Variants in WWP2 observed in about 807,000 individuals in gnomAD.
WWP2 encodes NEDD4-like E3 ubiquitin-protein ligase WWP2.
In WWP2, 57 loss-of-function variants were observed where a neutral mutation model predicts 121.0. That is an observed-to-expected ratio of 0.47 (90% CI 0.38 to 0.59). The LOEUF (loss-of-function observed/expected upper bound fraction) is 0.59, where lower values mean the gene tolerates loss of function less well. Among genes scored for constraint, WWP2 ranks in the 20% least tolerant of loss-of-function variants. The pLI is 0.00. For missense variants in WWP2, 962 were observed against 1,158.9 expected, an observed-to-expected ratio of 0.83 and a Z score of 2.47; for synonymous variants, 449 against 441.3, an observed-to-expected ratio of 1.02 and a Z score of -0.22.
intron 2 of WWP2, among the ~76,000 whole-genome samples, chr16:69,793,326 TG>T (rs2055952767): frequency 6.6e-6 from 1 of 152,094 alleles, no homozygotes; most frequent in African/African-American, 2.4e-5. Context: ...CACTCCAGCC[TG>T]GGTGACAGAG....
chr16:69,790,368 T>C (rs914503213), intron 2 of WWP2, among the ~76,000 whole-genome samples: 1 of 151,934 alleles, frequency 6.6e-6, no homozygotes, highest in Non-Finnish European at 1.5e-5. Context: ...AGGAAAAAAA[T>C]TTTACTATTT....
At chr16:69,813,446 G>A (rs1360885394) in intron 4 of WWP2, among the ~76,000 whole-genome samples, 1 of 151,990 alleles carries the variant, frequency 6.6e-6, no homozygotes, top group Non-Finnish European at 1.5e-5. Flanking sequence ...ACAGGCGTGA[G>A]CCACTGCGCC....
chr16:69,925,222 G>A lies in WWP2; in HGVS notation c.1180-208G>A. Reference sequence around the variant, plus strand: ...ACTCACTTGGGCCCTCCGTGCGCAGGGTTCTTTTTTGGTTTTTCTGTAAAA... The same window carrying A: ...ACTCACTTGGGCCCTCCGTGCGCAGAGTTCTTTTTTGGTTTTTCTGTAAAA... On this transcript the variant is annotated intron_variant, in intron 10 of 23. Coordinates refer to ENST00000359154, the MANE Select transcript of WWP2 (RefSeq NM_001270454.2). This position sits in a 1 kb window ranked among gnomAD's most constrained non-coding sequence, Gnocchi z 4.0. 1 of 1,430,678 alleles carries A rather than the reference G, an allele frequency of 7.0e-7. No homozygotes were observed. Among genetic ancestry groups the A allele is most frequent in the Non-Finnish European group, 9.1e-7 (1 of 1,093,374 alleles). 88.6% of individuals were successfully genotyped at this position (1,430,678 alleles called of 1,614,324 possible). A position where few individuals can be genotyped will look rare whatever the true frequency, so the allele number is the denominator to read the frequency against.
intron 8 of WWP2, among the ~76,000 whole-genome samples, chr16:69,907,065 TTC>T (rs1188689035): frequency 6.6e-6 from 1 of 152,220 alleles, no homozygotes; most frequent in Non-Finnish European, 1.5e-5. Flanking sequence ...ATATGGCATT[TTC>T]TCTTGAGAAG....
intron 4 of WWP2, among the ~76,000 whole-genome samples, chr16:69,815,819 C>T (rs1462750828): frequency 1.3e-5 from 2 of 150,260 alleles, no homozygotes; most frequent in African/African-American, 4.9e-5. Flanking sequence ...TGGAATCATA[C>T]ATACTGTATA....
intron 1 of WWP2, among the ~76,000 whole-genome samples, chr16:69,783,428 C>G (rs1433112866): frequency 6.6e-6 from 1 of 152,014 alleles, no homozygotes; most frequent in African/African-American, 2.4e-5. Context: ...TCCAGCTACT[C>G]AGGAGGCTGA....
At chr16:69,846,320 G>A (rs2057077961) in intron 6 of WWP2, among the ~76,000 whole-genome samples, 1 of 152,120 alleles carries the variant, frequency 6.6e-6, no homozygotes, top group Admixed American at 6.5e-5. Flanking sequence ...AGAGAAGCAG[G>A]TCATAGAAAA....
At chr16:69,828,280 C>T (rs1040237858) in intron 4 of WWP2, among the ~76,000 whole-genome samples, 5 of 152,156 alleles carry the variant, frequency 3.3e-5, no homozygotes, top group Non-Finnish European at 7.4e-5. Flanking sequence ...CCTTTCCTGC[C>T]TTCCCAGGAA....
intron 6 of WWP2, among the ~76,000 whole-genome samples, chr16:69,842,638 T>C (rs2057000802): frequency 6.6e-6 from 1 of 152,228 alleles, no homozygotes; most frequent in African/African-American, 2.4e-5. Flanking sequence ...TCTCCGGCTA[T>C]ATTCATGTCC....
intron 4 of WWP2, among the ~76,000 whole-genome samples, chr16:69,807,563 G>A (rs1392605785): frequency 1.4e-5 from 2 of 143,734 alleles, no homozygotes; most frequent in East Asian, 2.0e-4. Context: ...AGGCTGCAGC[G>A]AGTTGTTATT....
Position 69,936,336 on chromosome 16 carries a change from C to T in WWP2, c.2001C>T (p.Gly667=). ...WIKENNLEEC[G]LELYFIQDME... is the part of the protein sequence containing the mutation. ...GAGAGAACAACCTGGAAGAATGTGGCCTGGAGCTGTACTTCATCCAGGACA... is the reference window on the plus strand; with the variant it reads ...GAGAGAACAACCTGGAAGAATGTGGTCTGGAGCTGTACTTCATCCAGGACA... The change falls in exon 19 of 24, where the codon GGC becomes GGT. Residue 667 remains glycine, a synonymous_variant. Transcript: ENST00000359154. 6.2e-7 allele frequency: 1 copy of T among 1,614,132 alleles called. No individual in the cohort carries two copies. The highest frequency in any genetic ancestry group is 8.5e-7 in the Non-Finnish European group (1 of 1,180,018).
intron 6 of WWP2, among the ~76,000 whole-genome samples, chr16:69,847,886 G>A (rs550282183): frequency 1.3e-5 from 2 of 152,110 alleles, no homozygotes; most frequent in South Asian, 2.1e-4. Flanking sequence ...ATTTTGGTGG[G>A]GACAAACTGC....
intron 7 of WWP2, among the ~76,000 whole-genome samples, chr16:69,885,977 G>T (rs575817227): frequency 2.0e-5 from 3 of 152,158 alleles, no homozygotes; most frequent in Non-Finnish European, 1.5e-5. Flanking sequence ...ATGATATCTC[G>T]AAGAGGGCAG....
Position 69,792,322 on chromosome 16 carries a change from A to G in WWP2, c.70+5242A>G, listed in dbSNP as rs141952301. ...GAAACAAGCTGTTTGGAACTTATTG[A>G]GAGAGCAGATGCCAGACTCTATTGT... On this transcript the variant is annotated intron_variant, in intron 2 of 23. Coordinates refer to ENST00000359154, the MANE Select transcript of WWP2 (RefSeq NM_001270454.2). Among the ~76,000 whole-genome samples the G allele has an allele frequency of 3.2e-4, 48 of 152,350 alleles. No individual in the cohort carries two copies. The East Asian group carries it at 8.5e-3, about 27-fold the overall frequency.
At position 69,937,561 on chromosome 16, in the gene WWP2, G is replaced by A; in HGVS notation, c.2252G>A (p.Gly751Asp). ...GCCTCTCCCCAGCTGATGCTGTGCG[G>A]CATGCAGGAGATAGACATGAGCGAC... Reference protein sequence around the residue: ...DEKELELMLCGMQEIDMSDWQ... With the variant: ...DEKELELMLCDMQEIDMSDWQ... The change falls in exon 21 of 24, where the codon GGC becomes GAC. Residue 751 changes from glycine to aspartate, a missense_variant. By Grantham distance (94) the Gly-to-Asp change is moderately conservative. Transcript: ENST00000359154. This position sits in a 1 kb window ranked among gnomAD's most constrained non-coding sequence, Gnocchi z 6.6. The A allele has an allele frequency of 6.2e-7, 1 of 1,614,024 alleles. No homozygotes were observed. The highest frequency in any genetic ancestry group is 8.5e-7 in the Non-Finnish European group (1 of 1,180,012).
intron 4 of WWP2, among the ~76,000 whole-genome samples, chr16:69,818,147 T>C (rs1347552640): frequency 6.6e-6 from 1 of 151,936 alleles, no homozygotes; most frequent in African/African-American, 2.4e-5. Context: ...GTGATTTCTC[T>C]TTGTTATTTT....
chr16:69,830,937 C>T (rs1231780699), intron 4 of WWP2, among the ~76,000 whole-genome samples: 9 of 152,138 alleles, frequency 5.9e-5, no homozygotes, highest in Middle Eastern at 3.2e-3. Context: ...GAATTTCCCC[C>T]GGTTCCCTTC....
chr16:69,778,493 T>A (rs575477731), intron 1 of WWP2, among the ~76,000 whole-genome samples: 158 of 152,192 alleles, frequency 1.0e-3, no homozygotes, highest in African/African-American at 3.7e-3. Context: ...AGACAGAGTG[T>A]GAAGTCTGGG....
chr16:69,787,091 C>T lies in WWP2; in HGVS notation c.70+11C>T. The T allele has an allele frequency of 6.2e-7, 1 of 1,610,572 alleles. No homozygotes were observed. The highest frequency in any genetic ancestry group is 8.5e-7 in the Non-Finnish European group (1 of 1,178,352). ...AGCTCACTTTGAAAGGTGAGTGGCA[C>T]TGTATAATGTCTTCATCTTGTCTAC... On this transcript the variant is annotated intron_variant, in intron 2 of 23. Coordinates refer to ENST00000359154, the MANE Select transcript of WWP2 (RefSeq NM_001270454.2).
Sources: allele counts gnomAD v4.1 joint callset (sites outside exome capture counted in the v4.1 genomes callset), GRCh38; gene constraint gnomAD v4.1.1; non-coding constraint Gnocchi (gnomAD v3.1); transcripts MANE v1.5; gene names NCBI Gene and HGNC (gene_info 2026-07-23, HGNC 2026-07-21).